Variants in ADAMTS19 observed in about 807,000 individuals in gnomAD.
The protein encoded by ADAMTS19 is ADAM metallopeptidase with thrombospondin type 1 motif 19.
ADAMTS19 carries 93 observed loss-of-function variants against 153.3 expected under a neutral mutation model. That is an observed-to-expected ratio of 0.61 (90% confidence interval 0.51 to 0.72). The LOEUF is 0.72. Ranked by LOEUF, ADAMTS19 falls within the 30% of genes least tolerant of loss-of-function variation. ADAMTS19 has a pLI of 0.00. For missense variants in ADAMTS19, 1,482 were observed against 1,552.1 expected (o/e 0.95, Z 0.76); for synonymous variants, 600 against 556.6 (o/e 1.08, Z -1.10).
At chr5:129,517,186 T>A (rs1034188236) in intron 3 of ADAMTS19, among the ~76,000 whole-genome samples, 1 of 151,958 alleles carries the variant, frequency 6.6e-6, no homozygotes, top group Non-Finnish European at 1.5e-5. Context: ...GGTTTAATGC[T>A]TGTTTTATGA....
At chr5:129,501,991 G>A (rs1000353991) in intron 2 of ADAMTS19, among the ~76,000 whole-genome samples, 3 of 152,050 alleles carry the variant, frequency 2.0e-5, no homozygotes, top group Non-Finnish European at 2.9e-5. Context: ...TGAGAGAGGA[G>A]AGTTAATCTT....
intron 8 of ADAMTS19, among the ~76,000 whole-genome samples, chr5:129,613,490 G>A (rs2126960354): frequency 6.6e-6 from 1 of 152,094 alleles, no homozygotes; most frequent in East Asian, 1.9e-4. Context: ...AAACCAACGA[G>A]AACAAAGACA....
At chr5:129,600,457 G>T (rs1412070858) in intron 8 of ADAMTS19, among the ~76,000 whole-genome samples, 3 of 152,028 alleles carry the variant, frequency 2.0e-5, no homozygotes, top group Non-Finnish European at 4.4e-5. Context: ...AACTTTTCAA[G>T]AATACCTTTA....
chr5:129,607,434 A>C (rs535975268), intron 8 of ADAMTS19, among the ~76,000 whole-genome samples: 1 of 152,212 alleles, frequency 6.6e-6, no homozygotes, highest in Non-Finnish European at 1.5e-5. Context: ...TATGTTGTAC[A>C]AGTGAATAAA....
At chr5:129,544,164 ATATTTTTTTCT>A (rs1376104798) in intron 6 of ADAMTS19, among the ~76,000 whole-genome samples, 3 of 152,174 alleles carry the variant, frequency 2.0e-5, no homozygotes, top group Non-Finnish European at 2.9e-5. Flanking sequence ...CTAGCAACAA[ATATTTTTTTCT>A]ATCTCCAACC....
At chr5:129,533,094 C>T (rs1205449570) in intron 6 of ADAMTS19, among the ~76,000 whole-genome samples, 3 of 151,750 alleles carry the variant, frequency 2.0e-5, no homozygotes, top group East Asian at 3.9e-4. Flanking sequence ...CAGAGTGAGA[C>T]TCCACCACAA....
At chr5:129,489,166 CT>C (rs1197945517) in intron 2 of ADAMTS19, among the ~76,000 whole-genome samples, 2 of 152,062 alleles carry the variant, frequency 1.3e-5, no homozygotes, top group Non-Finnish European at 2.9e-5. Context: ...AAGTGTCCAT[CT>C]TTTGTAATTA....
intron 7 of ADAMTS19, among the ~76,000 whole-genome samples, chr5:129,563,545 G>C (rs1753596338): frequency 6.6e-6 from 1 of 152,130 alleles, no homozygotes; most frequent in South Asian, 2.1e-4. Flanking sequence ...TTGACAATCA[G>C]ATTTTTGCCC....
In ADAMTS19 at chr5:129,578,041, T is replaced by TACACACACAC. The variant is rs748371915; in HGVS notation, c.1373-18488_1373-18479dup. 7.9e-3 allele frequency among the ~76,000 whole-genome samples: 777 copies of TACACACACAC among 98,592 alleles called. 19 individuals carry two copies. Among genetic ancestry groups the TACACACACAC allele is most frequent in the South Asian group, 0.015 (40 of 2,720 alleles). 64.7% of individuals were successfully genotyped at this position (98,592 alleles called of 152,430 possible). ...GAATTTATTGATTTTCAAACTTACA[T>TACACACACAC]ACACACACACACACACACACACACA... On this transcript the variant is annotated intron_variant, in intron 7 of 22. Coordinates refer to ENST00000274487, the MANE Select transcript of ADAMTS19 (RefSeq NM_133638.6).
At chr5:129,462,186 T>C (rs550545880) in intron 2 of ADAMTS19, among the ~76,000 whole-genome samples, 2 of 152,308 alleles carry the variant, frequency 1.3e-5, no homozygotes, top group South Asian at 2.1e-4. Flanking sequence ...TCATCTGTTA[T>C]CTTAGAGCTT....
intron 21 of ADAMTS19, among the ~76,000 whole-genome samples, chr5:129,731,701 C>T (rs2902314): frequency 0.016 from 2,388 of 151,894 alleles, 61 homozygotes; most frequent in African/African-American, 0.053. Flanking sequence ...GAAGAATTGA[C>T]AGCAAAGAGA....
At position 129,461,187 on chromosome 5, in the gene ADAMTS19, C is replaced by T. The variant is rs763419282; in HGVS notation, c.177C>T (p.Gly59=). ...WRREPVDPAG[G]SGGSADPGWV... is the part of the protein sequence containing the mutation. ...GGGAGCCGGTGGACCCGGCTGGCGGCAGCGGGGGCAGCGCGGACCCGGGCT... is the reference window on the plus strand; with the variant it reads ...GGGAGCCGGTGGACCCGGCTGGCGGTAGCGGGGGCAGCGCGGACCCGGGCT... The change falls in exon 2 of 23, where the codon GGC becomes GGT. Residue 59 remains glycine, a synonymous_variant. Transcript: ENST00000274487. The surrounding 1 kb of genome is among the most constrained non-coding windows in gnomAD (Gnocchi z 4.6). 8.1e-6 allele frequency: 11 copies of T among 1,354,502 alleles called. No homozygotes were observed. In the South Asian group the frequency reaches 1.7e-4, roughly 21 times the overall value. 83.9% of individuals were successfully genotyped at this position (1,354,502 alleles called of 1,614,324 possible).
chr5:129,578,527 G>A (rs1227662275), intron 7 of ADAMTS19, among the ~76,000 whole-genome samples: 5 of 151,814 alleles, frequency 3.3e-5, no homozygotes, highest in African/African-American at 1.2e-4. Context: ...ACACGTGCCA[G>A]GGTGGTTTGC....
intron 7 of ADAMTS19, among the ~76,000 whole-genome samples, chr5:129,587,253 T>C (rs1749853672): frequency 6.6e-6 from 1 of 151,642 alleles, no homozygotes; most frequent in African/African-American, 2.4e-5. Context: ...CAAGAATGTC[T>C]GTTTGATTTT....
chr5:129,686,159 T>G (rs911978261), intron 18 of ADAMTS19, among the ~76,000 whole-genome samples: 1 of 152,198 alleles, frequency 6.6e-6, no homozygotes, highest in African/African-American at 2.4e-5. Flanking sequence ...TGTTACCTTC[T>G]AGCAATGTAC....
chr5:129,476,462 GCAAA>G (rs1034821936), intron 2 of ADAMTS19, among the ~76,000 whole-genome samples: 1 of 151,938 alleles, frequency 6.6e-6, no homozygotes. Flanking sequence ...TTCAAATCAA[GCAAA>G]CAAATACGGA....
At chr5:129,645,904 T>C (rs1414584960) in intron 11 of ADAMTS19, among the ~76,000 whole-genome samples, 1 of 134,058 alleles carries the variant, frequency 7.5e-6, no homozygotes, top group Non-Finnish European at 1.6e-5. Context: ...TTTTTTTTTT[T>C]TTGAGACGGA....
chr5:129,463,627 T>C (rs1192570062), intron 2 of ADAMTS19, among the ~76,000 whole-genome samples: 1 of 152,232 alleles, frequency 6.6e-6, no homozygotes, highest in African/African-American at 2.4e-5. Flanking sequence ...CTCTAGACTC[T>C]AACATGCCAG....
chr5:129,492,516 T>G (rs1432654821), intron 2 of ADAMTS19, among the ~76,000 whole-genome samples: 1 of 151,782 alleles, frequency 6.6e-6, no homozygotes, highest in Non-Finnish European at 1.5e-5. Context: ...AGTGTGTGTG[T>G]GTGTGTGTGT....
Sources: gnomAD v4.1 joint callset for allele counts (sites outside exome capture counted in the v4.1 genomes callset) on GRCh38, gnomAD v4.1.1 for gene constraint, Gnocchi (gnomAD v3.1) non-coding constraint, MANE v1.5 for transcripts, NCBI Gene and HGNC (gene_info 2026-07-23, HGNC 2026-07-21) for gene names.